The following RUNX3 variants were observed in gnomAD, a reference collection of about 807,000 sequenced individuals.
RUNX3 encodes runt-related transcription factor 3.
A neutral mutation model predicts 27.7 loss-of-function variants in RUNX3; 10 were observed. That is an observed-to-expected ratio of 0.36 (90% confidence interval 0.22 to 0.61). The LOEUF (loss-of-function observed/expected upper bound fraction) is 0.61, where lower values mean the gene tolerates loss of function less well. RUNX3 is among the 20% of genes least tolerant of loss of function. The pLI is 0.72. For synonymous variants in RUNX3, 270 were observed against 269.2 expected, an observed-to-expected ratio of 1.00 and a Z score of -0.03; for missense variants, 469 against 629.5, an observed-to-expected ratio of 0.75 and a Z score of 2.73.
At chr1:24,924,964 C>T (rs566821816) in intron 2 of RUNX3, among the ~76,000 whole-genome samples, 3 of 152,186 alleles carry the variant, frequency 2.0e-5, no homozygotes, top group South Asian at 2.1e-4. Context: ...TTACTGGGTG[C>T]GTGTCTTTCA....
chr1:24,919,195 C>A, intron 3 of RUNX3, 45 bp downstream of exon 3: 1 of 1,264,056 alleles, frequency 7.9e-7, no homozygotes, highest in Non-Finnish European at 1.1e-6. Context: ...CCGCACTGGA[C>A]CCTCCTCCCC....
rs896252539 is a variant in RUNX3 at position 24,927,489 on chromosome 1, G to A, written c.439+85C>T. 2.5e-5 allele frequency: 34 copies of A among 1,370,104 alleles called. No individual in the cohort carries two copies. In the African/African-American group the frequency reaches 4.9e-4, roughly 20 times the overall value. 84.9% of individuals were successfully genotyped at this position (1,370,104 alleles called of 1,614,324 possible). A position where few individuals can be genotyped will look rare whatever the true frequency, so the allele number is the denominator to read the frequency against. On this transcript the variant is annotated intron_variant, in intron 2 of 4. Transcript: ENST00000308873. The surrounding 1 kb of genome is among the most constrained non-coding windows in gnomAD (Gnocchi z 5.0). ...CTGCATCTGGAGACCTGTTTTTCGG[G>A]ATTCTAAGGCCCCTCTTTCAACCTC...
At chr1:24,907,791 G>A (rs1047777608) in intron 3 of RUNX3, among the ~76,000 whole-genome samples, 5 of 148,770 alleles carry the variant, frequency 3.4e-5, no homozygotes, top group African/African-American at 5.0e-5. Context: ...TACAACACAC[G>A]GTGATCCAAA....
rs34349689 is a variant in RUNX3, at chr1:24,924,428, G to GTT, written c.439+3144_439+3145dup. Among the ~76,000 whole-genome samples the GTT allele has an allele frequency of 3.4e-3, 521 of 151,192 alleles. 4 individuals are homozygous for GTT. Among genetic ancestry groups the GTT allele is most frequent in the African/African-American group, 0.011 (449 of 41,148 alleles). ...TAACTCAGTTTTACATAAAACAAGG[G>GTT]TTTTTTTTGTACTTTTAATATCTAC... On this transcript the variant is annotated intron_variant, in intron 2 of 4. Transcript: ENST00000308873.
chr1:24,942,242 A>C (rs1336483095), intron 2 of RUNX3, among the ~76,000 whole-genome samples: 3 of 152,196 alleles, frequency 2.0e-5, no homozygotes, highest in African/African-American at 7.2e-5. Context: ...AGTTGGCACT[A>C]GATTGAAGCA....
intron 3 of RUNX3, among the ~76,000 whole-genome samples, chr1:24,909,318 C>T (rs767440535): frequency 2.0e-4 from 30 of 152,156 alleles, no homozygotes; most frequent in Non-Finnish European, 3.7e-4. Context: ...CTCCAGAGTC[C>T]CCACCGTGAC....
chr1:24,906,158 G>A (rs113934950), intron 4 of RUNX3, among the ~76,000 whole-genome samples: 11 of 152,340 alleles, frequency 7.2e-5, no homozygotes, highest in East Asian at 3.9e-4. Context: ...GCGTGGCACC[G>A]GAAAAGGGGG....
At chr1:24,947,655 G>C (rs947857353) in intron 2 of RUNX3, among the ~76,000 whole-genome samples, 1 of 152,178 alleles carries the variant, frequency 6.6e-6, no homozygotes, top group East Asian at 1.9e-4. Flanking sequence ...GGAAGAAGAG[G>C]ACAGAAATGA....
At position 24,948,332 on chromosome 1, in the gene RUNX3, G is replaced by A. The variant is rs191488137; in HGVS notation, c.58+16182C>T. Among the ~76,000 whole-genome samples the A allele has an allele frequency of 3.5e-3, 527 of 152,336 alleles. 5 individuals are homozygous for A. Among genetic ancestry groups the A allele is most frequent in the African/African-American group, 0.012 (479 of 41,576 alleles). ...TTGCAGCAGGTGCGGCCTGTGAAGT[G>A]TGTGTATGCTTGTGTGAGGGTGGTG... On this transcript the variant is annotated intron_variant, in intron 2 of 6. Transcript: ENST00000338888.
intron 3 of RUNX3, among the ~76,000 whole-genome samples, chr1:24,917,880 A>G (rs1325564255): frequency 1.3e-5 from 2 of 152,190 alleles, no homozygotes; most frequent in East Asian, 3.9e-4. Context: ...TCCAGTTCTC[A>G]GATGACAAAA....
rs554982916 is a variant in RUNX3 at position 24,900,249 on chromosome 1, C to T, written c.*1873G>A. The T allele has an allele frequency of 1.3e-5, 2 of 152,360 alleles. No homozygotes were observed. The highest frequency in any genetic ancestry group is 2.1e-4 in the South Asian group (1 of 4,810). The allele number at this position is 152,360 out of a possible 1,614,324, so 9.4% of individuals were successfully genotyped here. ...CCAGTGAGGACAGGCCAAGAGAAAC[C>T]GCAGCAGGAGGGAATGGAATAGGAT... On this transcript the variant is annotated 3_prime_UTR_variant, in exon 5 of 5. Coordinates refer to ENST00000308873, the MANE Select transcript of RUNX3 (RefSeq NM_004350.3).
At chr1:24,942,102 G>A (rs1641492283) in intron 2 of RUNX3, among the ~76,000 whole-genome samples, 1 of 152,180 alleles carries the variant, frequency 6.6e-6, no homozygotes, top group South Asian at 2.1e-4. Context: ...GCCTGGGCTT[G>A]CCCCTGCCCC....
intron 2 of RUNX3, among the ~76,000 whole-genome samples, chr1:24,957,993 C>T (rs1390910358): frequency 6.6e-6 from 1 of 152,212 alleles, no homozygotes; most frequent in East Asian, 1.9e-4. Flanking sequence ...CCTGCTCAGC[C>T]CTCTCTAGCC....
chr1:24,931,955 A>G (rs562795310), upstream of RUNX3, among the ~76,000 whole-genome samples: 36 of 152,334 alleles, frequency 2.4e-4, no homozygotes, highest in African/African-American at 8.4e-4. Context: ...AACTAGAGGA[A>G]AGCGAGTGAT....
chr1:24,956,781 G>C (rs552084241), intron 2 of RUNX3, among the ~76,000 whole-genome samples: 1 of 152,296 alleles, frequency 6.6e-6, no homozygotes, highest in South Asian at 2.1e-4. Context: ...GGGAATAGGG[G>C]CATGACCAAA....
At chr1:24,953,541 C>T (rs1389185204) in intron 2 of RUNX3, among the ~76,000 whole-genome samples, 4 of 152,132 alleles carry the variant, frequency 2.6e-5, no homozygotes, top group African/African-American at 4.8e-5. Context: ...ACAGTAGCCA[C>T]GTTTCAAGCG....
At chr1:24,921,393 T>G (rs960212611) in intron 2 of RUNX3, among the ~76,000 whole-genome samples, 18 of 152,200 alleles carry the variant, frequency 1.2e-4, no homozygotes, top group African/African-American at 3.9e-4. Flanking sequence ...CAAGACCCAC[T>G]GAGTGTCACT....
intron 2 of RUNX3, among the ~76,000 whole-genome samples, chr1:24,949,148 C>T (rs929896847): frequency 5.9e-5 from 9 of 151,938 alleles, no homozygotes; most frequent in Admixed American, 3.3e-4. Context: ...TTCCCACGGG[C>T]GGCTGTGGAG....
Position 24,929,896 on chromosome 1 carries a change from G to A in RUNX3, c.-28C>T. On this transcript the variant is annotated 5_prime_UTR_variant, in exon 1 of 5. Coordinates refer to ENST00000308873, the MANE Select transcript of RUNX3 (RefSeq NM_004350.3). ...CAGCGGCCGTCAGGGCGCCGGGCAG[G>A]CGGAGACGGCGCGGCTTCCCCCGGG... 1 of 1,254,406 alleles carries A rather than the reference G, an allele frequency of 8.0e-7. No individual in the cohort carries two copies. The highest frequency in any genetic ancestry group is 1.0e-6 in the Non-Finnish European group (1 of 1,002,338). 77.7% of individuals were successfully genotyped at this position (1,254,406 alleles called of 1,614,324 possible).
Sources: gnomAD v4.1 joint callset for allele counts (sites outside exome capture counted in the v4.1 genomes callset) on GRCh38, gnomAD v4.1.1 for gene constraint, Gnocchi (gnomAD v3.1) non-coding constraint, MANE v1.5 for transcripts, NCBI Gene and HGNC (gene_info 2026-07-23, HGNC 2026-07-21) for gene names.